The following LCORL variants were observed in gnomAD, a reference collection of about 807,000 sequenced individuals.
LCORL encodes the protein ligand-dependent nuclear receptor corepressor-like protein.
In LCORL, 41 loss-of-function variants were observed where a neutral mutation model predicts 141.8. That is an observed-to-expected ratio of 0.29 (90% confidence interval 0.23 to 0.38). The LOEUF is 0.38. Ranked by LOEUF, LCORL falls within the 10% of genes least tolerant of loss-of-function variation. LCORL has a pLI of 1.00. For missense variants in LCORL, 1,759 were observed against 2,035.0 expected (o/e 0.86, Z 2.61); for synonymous variants, 618 against 694.1 (o/e 0.89, Z 1.72).
chr4:17,961,927 G>C, exon 4 of LCORL: 1 of 1,610,282 alleles, frequency 6.2e-7, no homozygotes, highest in Non-Finnish European at 8.5e-7. Flanking sequence ...AGTGCATTTA[G>C]GTAATTTTCT....
At chr4:17,890,373 C>T (rs764346321) in intron 5 of LCORL, among the ~76,000 whole-genome samples, 1 of 152,010 alleles carries the variant, frequency 6.6e-6, no homozygotes, top group Non-Finnish European at 1.5e-5. Context: ...TTTACAGATA[C>T]ATAAATAGGT....
intron 4 of LCORL, among the ~76,000 whole-genome samples, chr4:17,928,639 G>C (rs1189743998): frequency 6.6e-6 from 1 of 152,072 alleles, no homozygotes; most frequent in Non-Finnish European, 1.5e-5. Context: ...GTACTTAATG[G>C]TGAAAAGCTA....
intron 1 of LCORL, among the ~76,000 whole-genome samples, chr4:18,014,706 T>A (rs183805053): frequency 1.2e-3 from 189 of 152,336 alleles, no homozygotes; most frequent in Non-Finnish European, 2.0e-3. Context: ...AACAAAATTT[T>A]TATTTTGCTT....
intron 5 of LCORL, among the ~76,000 whole-genome samples, chr4:17,896,027 A>C (rs901783961): frequency 6.6e-6 from 1 of 152,168 alleles, no homozygotes; most frequent in Non-Finnish European, 1.5e-5. Flanking sequence ...TTGTGTGGAC[A>C]TATGTTTTCG....
intron 4 of LCORL, among the ~76,000 whole-genome samples, chr4:17,947,450 G>A (rs1739060932): frequency 6.6e-6 from 1 of 151,830 alleles, no homozygotes; most frequent in African/African-American, 2.4e-5. Flanking sequence ...AATCTCAAAA[G>A]GAATATGGAT....
intron 7 of LCORL, among the ~76,000 whole-genome samples, chr4:17,862,647 G>A (rs759913980): frequency 1.2e-4 from 18 of 152,156 alleles, no homozygotes; most frequent in Non-Finnish European, 1.8e-4. Context: ...TCAGTATATG[G>A]TGCTGGGATA....
intron 5 of LCORL, among the ~76,000 whole-genome samples, chr4:17,899,738 A>C (rs1186429931): frequency 6.6e-6 from 1 of 152,186 alleles, no homozygotes; most frequent in Non-Finnish European, 1.5e-5. Context: ...TTACAAGGGA[A>C]AAGAAAAAAA....
At chr4:17,912,770 C>A (rs1400633805) in intron 4 of LCORL, 2 of 419,162 alleles carry the variant, frequency 4.8e-6, no homozygotes, top group African/African-American at 2.0e-5. Flanking sequence ...GAGGCAGCAC[C>A]AGGCCCAGGA....
At chr4:17,876,305 T>A in exon 7 of LCORL, 1 of 1,231,034 alleles carries the variant, frequency 8.1e-7, no homozygotes, top group Middle Eastern at 3.1e-4. Context: ...CCACAGATTT[T>A]GATAAGCTCT....
At position 17,998,294 on chromosome 4, in the gene LCORL, T is replaced by C. The variant is rs542859033; in HGVS notation, c.154+23304A>G. ...CTTTATAAACATTGTACGACTACAC[T>C]AAATTTATTTCCTTTCAAAAATAAT... On this transcript the variant is annotated intron_variant, in intron 1 of 7. Coordinates refer to ENST00000635767, the Ensembl canonical transcript of LCORL. Among the ~76,000 whole-genome samples the C allele has an allele frequency of 8.5e-5, 13 of 152,348 alleles. No individual in the cohort carries two copies. In the Middle Eastern group the frequency reaches 0.01, roughly 120 times the overall value.
intron 1 of LCORL, among the ~76,000 whole-genome samples, chr4:17,988,774 C>G (rs550795148): frequency 6.6e-6 from 1 of 152,220 alleles, no homozygotes; most frequent in African/African-American, 2.4e-5. Context: ...CACTTGAGGT[C>G]AGGAGTTCGA....
chr4:18,007,847 T>C (rs1023885014), intron 1 of LCORL, among the ~76,000 whole-genome samples: 1 of 152,164 alleles, frequency 6.6e-6, no homozygotes, highest in Non-Finnish European at 1.5e-5. Context: ...AGCTAATATG[T>C]ACTCATAGGC....
intron 1 of LCORL, among the ~76,000 whole-genome samples, chr4:18,019,107 ATTGT>A (rs1330900465): frequency 1.3e-5 from 2 of 152,214 alleles, no homozygotes; most frequent in East Asian, 1.9e-4. Flanking sequence ...AATGGATGTT[ATTGT>A]TTATTTTAAA....
chr4:17,852,741 A>C (rs1397583877), intron 7 of LCORL, among the ~76,000 whole-genome samples: 3 of 152,190 alleles, frequency 2.0e-5, no homozygotes, highest in Non-Finnish European at 4.4e-5. Context: ...TTTACAGAGT[A>C]TGTGCATTTG....
intron 1 of LCORL, among the ~76,000 whole-genome samples, chr4:18,003,353 T>C (rs569190959): frequency 6.6e-6 from 1 of 152,304 alleles, no homozygotes; most frequent in South Asian, 2.1e-4. Context: ...TTAAGATATA[T>C]TTGAAAACAT....
intron 1 of LCORL, among the ~76,000 whole-genome samples, chr4:18,003,667 T>G (rs146257595): frequency 2.0e-5 from 3 of 152,170 alleles, no homozygotes. Flanking sequence ...GGTAGGGAGA[T>G]AGAGAAATGA....
chr4:17,967,865 TC>T (rs1392164811), intron 2 of LCORL, among the ~76,000 whole-genome samples: 2 of 152,210 alleles, frequency 1.3e-5, no homozygotes, highest in African/African-American at 4.8e-5. Flanking sequence ...TCTTTTCTTT[TC>T]TTTTTTTTTG....
chr4:17,928,334 C>A (rs556758076), intron 4 of LCORL, among the ~76,000 whole-genome samples: 36 of 152,260 alleles, frequency 2.4e-4, no homozygotes, highest in African/African-American at 8.4e-4. Context: ...ATCACTTTAG[C>A]CCAGGCAGGC....
At chr4:17,859,299 T>C (rs1724721360) in intron 7 of LCORL, among the ~76,000 whole-genome samples, 1 of 152,168 alleles carries the variant, frequency 6.6e-6, no homozygotes, top group African/African-American at 2.4e-5. Flanking sequence ...AAATGAACTT[T>C]TGACTTACAG....
Sources: gnomAD v4.1 joint callset for allele counts (sites outside exome capture counted in the v4.1 genomes callset) on GRCh38, gnomAD v4.1.1 for gene constraint, MANE v1.5 for transcripts, NCBI Gene and HGNC (gene_info 2026-07-23, HGNC 2026-07-21) for gene names.